Variants in C8orf34 observed in about 807,000 individuals in gnomAD.
C8orf34 encodes the protein chromosome 8 open reading frame 34, also known as uncharacterized protein C8orf34.
A neutral mutation model predicts 68.3 loss-of-function variants in C8orf34; 65 were observed. The observed-to-expected ratio is 0.95, with a 90% CI of 0.78 to 1.17. The LOEUF is 1.17. C8orf34 is among the 50% of genes most tolerant of loss of function. The pLI is 0.00. For missense variants in C8orf34, 664 were observed against 655.4 expected, an observed-to-expected ratio of 1.01 and a Z score of -0.14; for synonymous variants, 244 against 241.2, an observed-to-expected ratio of 1.01 and a Z score of -0.11.
At chr8:68,481,777 C>T (rs191074125) in intron 4 of C8orf34, among the ~76,000 whole-genome samples, 248 of 152,208 alleles carry the variant, frequency 1.6e-3, no homozygotes, top group Non-Finnish European at 3.2e-3. Context: ...ATACCTATAC[C>T]CCAATACCTG....
At chr8:68,518,431 T>C (rs764579416) in intron 5 of C8orf34, among the ~76,000 whole-genome samples, 22 of 152,180 alleles carry the variant, frequency 1.4e-4, no homozygotes, top group Non-Finnish European at 2.1e-4. Flanking sequence ...GAAAAACCTT[T>C]AGAATATGGA....
intron 1 of C8orf34, among the ~76,000 whole-genome samples, chr8:68,344,852 T>A (rs1482837572): frequency 2.6e-5 from 4 of 152,074 alleles, no homozygotes; most frequent in African/African-American, 9.7e-5. Flanking sequence ...GGGAGTAACA[T>A]GGGTAGTGAT....
At chr8:68,620,897 C>A (rs1818370250) in intron 7 of C8orf34, among the ~76,000 whole-genome samples, 1 of 151,842 alleles carries the variant, frequency 6.6e-6, no homozygotes, top group Non-Finnish European at 1.5e-5. Flanking sequence ...TGTTTTGGGG[C>A]ACTCTGAAAG....
rs564074351 is a variant in C8orf34, at chr8:68,769,772, T to C, written c.1405-6627T>C. Among the ~76,000 whole-genome samples, 8 of 152,344 alleles carry C rather than the reference T, an allele frequency of 5.3e-5. No individual in the cohort carries two copies. In the East Asian group the frequency reaches 1.2e-3, roughly 22 times the overall value. On this transcript the variant is annotated intron_variant, in intron 10 of 13. Coordinates refer to ENST00000518698, the MANE Select transcript of C8orf34 (RefSeq NM_052958.4). ...TTTTCAGACGTTTACTTTTTATCTA[T>C]ATTGCCAGACCCTGTTCCAGGATTT...
intron 8 of C8orf34, among the ~76,000 whole-genome samples, chr8:68,694,001 C>G (rs1434742217): frequency 3.3e-5 from 5 of 152,078 alleles, no homozygotes; most frequent in Non-Finnish European, 7.4e-5. Flanking sequence ...TAATCTTCCT[C>G]AATGTAAGCA....
intron 1 of C8orf34, among the ~76,000 whole-genome samples, chr8:68,417,523 G>C (rs1045601463): frequency 2.6e-5 from 4 of 152,044 alleles, no homozygotes; most frequent in Non-Finnish European, 5.9e-5. Context: ...AAATGAACAA[G>C]TAAAGTATAT....
chr8:68,332,375 C>CCGCCTTGCCCT (rs1178446094), intron 1 of C8orf34, among the ~76,000 whole-genome samples: 10 of 151,168 alleles, frequency 6.6e-5, no homozygotes, highest in African/African-American at 2.4e-4. Flanking sequence ...CGCCTTGCCC[C>CCGCCTTGCCCT]CGCCTTGCCC....
chr8:68,418,320 T>TC (rs1178379258), intron 1 of C8orf34, among the ~76,000 whole-genome samples: 2 of 150,828 alleles, frequency 1.3e-5, no homozygotes, highest in Non-Finnish European at 2.9e-5. Context: ...GGCCAGAACT[T>TC]CCAACACTAT....
intron 7 of C8orf34, among the ~76,000 whole-genome samples, chr8:68,536,476 T>C (rs1031641857): frequency 7.2e-5 from 11 of 151,908 alleles, no homozygotes; most frequent in Non-Finnish European, 1.3e-4. Context: ...TTAAAAGATA[T>C]TTCACCTTGG....
chr8:68,699,304 A>C (rs1321757779), intron 8 of C8orf34, among the ~76,000 whole-genome samples: 3 of 152,114 alleles, frequency 2.0e-5, no homozygotes, highest in African/African-American at 7.2e-5. Flanking sequence ...TTTTATAGAC[A>C]TGAAACCCTG....
chr8:68,628,791 A>G lies in C8orf34; in HGVS notation c.1106-11585A>G, dbSNP rs78443390. Among the ~76,000 whole-genome samples, 1,046 of 152,308 alleles carry G rather than the reference A, an allele frequency of 6.9e-3. 16 individuals are homozygous for G. The highest frequency in any genetic ancestry group is 0.024 in the African/African-American group (989 of 41,566). ...ACATTGTCTAGTTCAAGCAGCTGCAAATTATTTCATGGATTACATTTGAAT... is the reference window on the plus strand; with the variant it reads ...ACATTGTCTAGTTCAAGCAGCTGCAGATTATTTCATGGATTACATTTGAAT... On this transcript the variant is annotated intron_variant, in intron 7 of 13. Coordinates refer to ENST00000518698, the MANE Select transcript of C8orf34 (RefSeq NM_052958.4).
At chr8:68,413,914 C>A (rs770176953) in intron 1 of C8orf34, among the ~76,000 whole-genome samples, 1 of 152,238 alleles carries the variant, frequency 6.6e-6, no homozygotes, top group Non-Finnish European at 1.5e-5. Context: ...TTGGACTCTA[C>A]ACCTTTGCTC....
chr8:68,498,030 G>A lies in C8orf34; in HGVS notation c.765+9979G>A, dbSNP rs1397207057. ...TTTAGTAGAGATGGGGTTTCTCCAT[G>A]TTGGTCAGGCTGCTCTCGACCTCCC... On this transcript the variant is annotated intron_variant, in intron 5 of 13. Transcript: ENST00000518698. Among the ~76,000 whole-genome samples the A allele has an allele frequency of 2.0e-5, 3 of 152,246 alleles. No homozygotes were observed. The East Asian group carries it at 5.8e-4, about 29-fold the overall frequency.
chr8:68,465,170 C>A (rs1373812820), intron 3 of C8orf34, among the ~76,000 whole-genome samples: 9 of 152,112 alleles, frequency 5.9e-5, no homozygotes, highest in African/African-American at 1.4e-4. Flanking sequence ...CAAAAGAAGA[C>A]AATTATGCAG....
At chr8:68,618,371 A>G (rs1049960645) in intron 7 of C8orf34, among the ~76,000 whole-genome samples, 18 of 151,996 alleles carry the variant, frequency 1.2e-4, no homozygotes, top group Non-Finnish European at 2.4e-4. Context: ...ATTATTTTGA[A>G]GATAGGGTCT....
At chr8:68,738,146 T>G (rs1193362794) in intron 10 of C8orf34, among the ~76,000 whole-genome samples, 1 of 152,020 alleles carries the variant, frequency 6.6e-6, no homozygotes, top group East Asian at 1.9e-4. Flanking sequence ...ACTAAGAAAT[T>G]CAATCAAAAC....
At chr8:68,746,719 A>C (rs1340550820) in intron 10 of C8orf34, among the ~76,000 whole-genome samples, 246 of 139,924 alleles carry the variant, frequency 1.8e-3, no homozygotes, top group African/African-American at 4.1e-3. Context: ...CAATAACAGG[A>C]TCTGAAATTG....
At chr8:68,420,875 GAA>G (rs10709157) in intron 1 of C8orf34, among the ~76,000 whole-genome samples, 5,968 of 143,950 alleles carry the variant, frequency 0.041, 169 homozygotes, top group East Asian at 0.096. Context: ...CAAAATCATG[GAA>G]AAAAAAAAAA....
At chr8:68,577,035 C>T (rs1481574681) in intron 7 of C8orf34, among the ~76,000 whole-genome samples, 1 of 151,916 alleles carries the variant, frequency 6.6e-6, no homozygotes, top group East Asian at 1.9e-4. Flanking sequence ...TACCTCTCCA[C>T]CTAACTACTC....
Sources: allele counts gnomAD v4.1 joint callset (sites outside exome capture counted in the v4.1 genomes callset), GRCh38; gene constraint gnomAD v4.1.1; transcripts MANE v1.5; gene names NCBI Gene and HGNC (gene_info 2026-07-23, HGNC 2026-07-21).